The following CAPS2 variants were observed in gnomAD, a reference collection of about 807,000 sequenced individuals.
CAPS2 encodes the protein calcyphosine 2.
In CAPS2, 98 loss-of-function variants were observed where a neutral mutation model predicts 86.5. That is an observed-to-expected ratio of 1.13 (90% CI 0.96 to 1.34). CAPS2 has a LOEUF of 1.34. CAPS2 is among the 40% of genes most tolerant of loss of function. The pLI is 0.00. For missense variants in CAPS2, 729 were observed against 686.8 expected, an observed-to-expected ratio of 1.06 and a Z score of -0.69; for synonymous variants, 210 against 225.1, an observed-to-expected ratio of 0.93 and a Z score of 0.60.
At chr12:75,276,554 C>G (rs2032966161), downstream of CAPS2, 1 of 977,972 alleles carries the variant, frequency 1.0e-6, no homozygotes, top group African/African-American at 1.8e-5. Flanking sequence ...ACATGTTTAA[C>G]TATAATGTGA....
chr12:75,279,096 T>C, intron 16 of CAPS2, 31 bp from the exon 17 acceptor site: 4 of 1,455,314 alleles, frequency 2.7e-6, no homozygotes, highest in African/African-American at 1.4e-5. Context: ...TGAAACAGTT[T>C]CCTGAAAAGT....
At chr12:75,291,300 T>C (rs140447424) in intron 13 of CAPS2, among the ~76,000 whole-genome samples, 1 of 151,622 alleles carries the variant, frequency 6.6e-6, no homozygotes, top group East Asian at 2.0e-4. Context: ...GGATGTTATC[T>C]AGTACATAAG....
chr12:75,293,178 T>A, intron 12 of CAPS2, 71 bp downstream of exon 12: 1 of 918,558 alleles, frequency 1.1e-6, no homozygotes, highest in Non-Finnish European at 1.8e-6. Context: ...TATAGTAGAA[T>A]GTCATTTTAA....
intron 1 of CAPS2, among the ~76,000 whole-genome samples, chr12:75,388,817 T>C (rs1031304534): frequency 1.3e-5 from 2 of 152,146 alleles, no homozygotes; most frequent in Admixed American, 6.5e-5. Flanking sequence ...TAAATGTAGG[T>C]TCATCAGTTG....
chr12:75,282,444 T>A, intron 15 of CAPS2, 97 bp from the exon 16 acceptor site: 1 of 780,730 alleles, frequency 1.3e-6, no homozygotes, highest in Non-Finnish European at 2.3e-6. Context: ...TGGAGTGCAA[T>A]GGCGTGATCT....
chr12:75,312,275 A>G (rs925987702), intron 7 of CAPS2, among the ~76,000 whole-genome samples: 1 of 152,190 alleles, frequency 6.6e-6, no homozygotes, highest in Admixed American at 6.5e-5. Flanking sequence ...AAACTCAGTG[A>G]TACTTGACAT....
At chr12:75,289,797 G>T (rs765143265) in intron 13 of CAPS2, 22 bp from the exon 14 acceptor site, 1 of 1,582,920 alleles carries the variant, frequency 6.3e-7, no homozygotes, top group Non-Finnish European at 8.6e-7. Context: ...GAAGAGAGAT[G>T]AAAACAAATT....
At chr12:75,356,521 C>T (rs2043168208) in intron 1 of CAPS2, among the ~76,000 whole-genome samples, 1 of 152,006 alleles carries the variant, frequency 6.6e-6, no homozygotes, top group African/African-American at 2.4e-5. Flanking sequence ...TCTAAAGTAA[C>T]TGCTAAAATT....
intron 2 of CAPS2, among the ~76,000 whole-genome samples, chr12:75,323,884 C>T (rs1384521593): frequency 6.6e-6 from 1 of 152,214 alleles, no homozygotes; most frequent in Non-Finnish European, 1.5e-5. Flanking sequence ...TAGTGTGCAT[C>T]TCTTTCCAAT....
In CAPS2 at chr12:75,289,787, GAAGA is replaced by G; in HGVS notation, c.1241-16_1241-13del. On this transcript the variant is annotated splice_polypyrimidine_tract_variant and intron_variant, in intron 13 of 16. Transcript: ENST00000393284. ...TTCTTTTAGCACATCTGTTCAACAA[GAAGA>G]GAGATGAAAACAAATTGTTCCTATG... 6.3e-7 allele frequency: 1 copy of G among 1,594,760 alleles called. No homozygotes were observed. The highest frequency in any genetic ancestry group is 8.5e-7 in the Non-Finnish European group (1 of 1,169,648).
intron 1 of CAPS2, chr12:75,360,904 A>G (rs1469357462): frequency 6.6e-6 from 1 of 152,162 alleles, no homozygotes; most frequent in Non-Finnish European, 1.5e-5. Flanking sequence ...TCCAATCTTC[A>G]ATTCTTGACT....
chr12:75,351,601 T>C lies in CAPS2; in HGVS notation c.-394-28379A>G, dbSNP rs547231357. Among the ~76,000 whole-genome samples, 30 of 151,690 alleles carry C rather than the reference T, an allele frequency of 2.0e-4. No individual in the cohort carries two copies. The South Asian group carries it at 6.0e-3, about 31-fold the overall frequency. ...CCACTCTGTCACCCAAGGTGGAGTGTACTGGTGTGATCTTGACTTACTACC... is the reference window on the plus strand; with the variant it reads ...CCACTCTGTCACCCAAGGTGGAGTGCACTGGTGTGATCTTGACTTACTACC... On this transcript the variant is annotated intron_variant, in intron 1 of 5. Transcript: ENST00000551829.
intron 7 of CAPS2, among the ~76,000 whole-genome samples, chr12:75,308,303 T>A (rs747772590): frequency 6.6e-6 from 1 of 152,158 alleles, no homozygotes; most frequent in Admixed American, 6.5e-5. Flanking sequence ...TGTAAATAGA[T>A]AAAGTAGAAA....
chr12:75,323,052 G>A, exon 4 of CAPS2: 1 of 1,550,494 alleles, frequency 6.4e-7, no homozygotes, highest in Non-Finnish European at 8.7e-7. Flanking sequence ...AATTTGGCAG[G>A]TTTGCTGTAC....
intron 1 of CAPS2, among the ~76,000 whole-genome samples, chr12:75,353,868 T>A (rs1253851045): frequency 1.3e-5 from 2 of 152,180 alleles, no homozygotes; most frequent in Non-Finnish European, 2.9e-5. Context: ...ATTCATTATA[T>A]CATCAGAACT....
At chr12:75,307,397 T>C (rs1216614094) in intron 7 of CAPS2, among the ~76,000 whole-genome samples, 1 of 152,202 alleles carries the variant, frequency 6.6e-6, no homozygotes, top group East Asian at 1.9e-4. Flanking sequence ...TCAGGTGGCA[T>C]TGCAATGGGC....
intron 16 of CAPS2, among the ~76,000 whole-genome samples, chr12:75,281,189 T>C (rs1283730783): frequency 3.9e-5 from 6 of 151,926 alleles, no homozygotes; most frequent in African/African-American, 1.4e-4. Context: ...TAATTTAATA[T>C]AGTCATTTTA....
chr12:75,305,926 C>T (rs2138674588), intron 7 of CAPS2: 1 of 1,002,704 alleles, frequency 1.0e-6, no homozygotes, highest in Non-Finnish European at 1.6e-6. Flanking sequence ...GAAGTCTGCG[C>T]TGGTGAAAGC....
At chr12:75,332,587 T>C (rs58242964), upstream of CAPS2, among the ~76,000 whole-genome samples, 135 of 152,276 alleles carry the variant, frequency 8.9e-4, no homozygotes, top group African/African-American at 3.2e-3. Context: ...TATGTATATA[T>C]ACATATATAT....
Sources: gnomAD v4.1 joint callset for allele counts (sites outside exome capture counted in the v4.1 genomes callset) on GRCh38, gnomAD v4.1.1 for gene constraint, MANE v1.5 for transcripts, NCBI Gene and HGNC (gene_info 2026-07-23, HGNC 2026-07-21) for gene names.